Variants in TECRL observed in about 807,000 individuals in gnomAD.
TECRL encodes trans-2,3-enoyl-CoA reductase like.
In TECRL, 63 loss-of-function variants were observed where a neutral mutation model predicts 52.8. That is an observed-to-expected ratio of 1.19 (90% confidence interval 0.97 to 1.47). The LOEUF (loss-of-function observed/expected upper bound fraction) is 1.47, where lower values mean the gene tolerates loss of function less well. TECRL is among the 40% of genes most tolerant of loss of function. The probability of loss-of-function intolerance (pLI) is 0.00; values close to 1 mark genes in which losing one functional copy is unlikely to be tolerated. For synonymous variants in TECRL, 164 were observed against 141.9 expected, an observed-to-expected ratio of 1.16 and a Z score of -1.10; for missense variants, 482 against 429.6, an observed-to-expected ratio of 1.12 and a Z score of -1.08.
intron 6 of TECRL, among the ~76,000 whole-genome samples, chr4:64,307,492 G>A (rs73228570): frequency 1.3e-5 from 2 of 152,052 alleles, no homozygotes; most frequent in Admixed American, 1.3e-4. Context: ...GAGGAGAAAG[G>A]AGATGCTTTT....
intron 5 of TECRL, among the ~76,000 whole-genome samples, chr4:64,313,123 A>T (rs951010281): frequency 6.6e-6 from 1 of 152,194 alleles, no homozygotes; most frequent in Non-Finnish European, 1.5e-5. Context: ...AATCAGGACA[A>T]GAAAGGAGGT....
At chr4:64,403,652 C>T (rs1340311431) in intron 1 of TECRL, among the ~76,000 whole-genome samples, 1 of 151,790 alleles carries the variant, frequency 6.6e-6, no homozygotes, top group Non-Finnish European at 1.5e-5. Context: ...CAGACCATGC[C>T]TAAGGAAAAA....
chr4:64,357,415 C>T (rs968433927), intron 2 of TECRL, among the ~76,000 whole-genome samples: 64 of 151,418 alleles, frequency 4.2e-4, no homozygotes, highest in African/African-American at 1.5e-3. Flanking sequence ...TATCTGATCA[C>T]AATTTAATTA....
Position 64,322,799 on chromosome 4 carries a change from TA to T in TECRL, c.332-8del. On this transcript the variant is annotated splice_polypyrimidine_tract_variant and splice_region_variant and intron_variant, in intron 3 of 11. Coordinates refer to ENST00000381210, the MANE Select transcript of TECRL (RefSeq NM_001010874.5). ...TCCTTCAAAAAAGGCCCGCCTAAAA[TA>T]AAAATAACAAGAAAATTTTATTTTA... is the stretch of plus-strand genomic sequence containing the variant. 1 of 1,583,004 alleles carries T rather than the reference TA, an allele frequency of 6.3e-7. No homozygotes were observed. The highest frequency in any genetic ancestry group is 8.6e-7 in the Non-Finnish European group (1 of 1,166,698).
At chr4:64,375,956 A>T (rs1722370806) in intron 1 of TECRL, among the ~76,000 whole-genome samples, 1 of 151,862 alleles carries the variant, frequency 6.6e-6, no homozygotes, top group African/African-American at 2.4e-5. Flanking sequence ...TTTTATGATA[A>T]TTCAAGAAAA....
At chr4:64,346,754 G>T (rs1720018886) in intron 2 of TECRL, among the ~76,000 whole-genome samples, 1 of 152,226 alleles carries the variant, frequency 6.6e-6, no homozygotes, top group Non-Finnish European at 1.5e-5. Flanking sequence ...CATTGTCTTG[G>T]TGATTAAGTG....
chr4:64,345,906 G>GCAAAA (rs1719922332), intron 2 of TECRL, among the ~76,000 whole-genome samples: 1 of 2,744 alleles, frequency 3.6e-4, no homozygotes, highest in African/African-American at 1.1e-3. Context: ...TGCCTCAACA[G>GCAAAA]CAAAAAAAAA....
At chr4:64,364,087 G>T (rs1258824985) in intron 2 of TECRL, among the ~76,000 whole-genome samples, 2 of 151,842 alleles carry the variant, frequency 1.3e-5, no homozygotes, top group African/African-American at 4.8e-5. Context: ...AATAAAAATA[G>T]AAATCAACAC....
At chr4:64,305,357 T>C in intron 6 of TECRL, 119 bp from the exon 7 acceptor site, 4 of 748,518 alleles carry the variant, frequency 5.3e-6, no homozygotes, top group Non-Finnish European at 8.9e-6. Context: ...ACATTTATAT[T>C]AGACACTGCA....
intron 9 of TECRL, among the ~76,000 whole-genome samples, chr4:64,285,991 C>A (rs1322264766): frequency 2.0e-5 from 3 of 152,184 alleles, no homozygotes; most frequent in East Asian, 1.9e-4. Flanking sequence ...ATTTCAGTAA[C>A]CTCATCTGTA....
chr4:64,300,185 C>CT (rs550094739), intron 7 of TECRL, among the ~76,000 whole-genome samples, 168 bp from the exon 8 acceptor site: 2 of 149,638 alleles, frequency 1.3e-5, no homozygotes, highest in East Asian at 1.9e-4. Flanking sequence ...AAAGTGTTGA[C>CT]TTTTTTTTCA....
At chr4:64,341,906 ACT>A (rs1719602197) in intron 2 of TECRL, among the ~76,000 whole-genome samples, 1 of 151,206 alleles carries the variant, frequency 6.6e-6, no homozygotes, top group South Asian at 2.1e-4. Flanking sequence ...AGCATGTCTG[ACT>A]GTGGAGTGGC....
intron 1 of TECRL, among the ~76,000 whole-genome samples, chr4:64,377,445 C>T (rs1195192918): frequency 6.6e-6 from 1 of 151,998 alleles, no homozygotes; most frequent in Non-Finnish European, 1.5e-5. Context: ...ATAACTTCCA[C>T]TTTTTAGTCA....
chr4:64,328,597 TA>T, intron 2 of TECRL, 41 bp from the exon 3 acceptor site: 2 of 1,547,270 alleles, frequency 1.3e-6, no homozygotes, highest in South Asian at 2.3e-5. Flanking sequence ...AGAAAAAGTG[TA>T]ACTATAGCTT....
At chr4:64,316,953 A>T (rs933844551) in intron 4 of TECRL, among the ~76,000 whole-genome samples, 4 of 152,190 alleles carry the variant, frequency 2.6e-5, no homozygotes, top group African/African-American at 9.6e-5. Flanking sequence ...ACCTCAGTGG[A>T]ATCTTCAACG....
chr4:64,295,633 G>T (rs1178454841), intron 8 of TECRL, among the ~76,000 whole-genome samples: 1 of 151,662 alleles, frequency 6.6e-6, no homozygotes, highest in Admixed American at 6.6e-5. Context: ...AGTAAATGAT[G>T]TTTGAAAACA....
At chr4:64,404,901 G>T (rs182106803) in intron 1 of TECRL, among the ~76,000 whole-genome samples, 1 of 152,114 alleles carries the variant, frequency 6.6e-6, no homozygotes, top group Non-Finnish European at 1.5e-5. Flanking sequence ...TGAATGCTGT[G>T]TCAAATTCAC....
At position 64,409,364 on chromosome 4, in the gene TECRL, G is replaced by C. The variant is rs758072477; in HGVS notation, c.-13C>G. On this transcript the variant is annotated 5_prime_UTR_variant, in exon 1 of 12. Coordinates refer to ENST00000381210, the MANE Select transcript of TECRL (RefSeq NM_001010874.5). ...GCCTTTTGAACATTGTGTGAACTAA[G>C]AGGAGGGTCTGTCATGTCAAAAGTA... The C allele has an allele frequency of 5.6e-6, 9 of 1,609,934 alleles. No homozygotes were observed. The highest frequency in any genetic ancestry group is 6.8e-6 in the Non-Finnish European group (8 of 1,177,182).
Position 64,279,823 on chromosome 4 carries a change from T to C in TECRL, c.*249A>G, listed in dbSNP as rs1722728993. On this transcript the variant is annotated 3_prime_UTR_variant, in exon 12 of 12. Transcript: ENST00000381210. ...GTGAAGTATTAATGAAGTAAGACAA[T>C]TTTATTCAAGGACCAATCCCATGCA... is the stretch of plus-strand genomic sequence containing the variant. 9.7e-7 allele frequency: 1 copy of C among 1,031,436 alleles called. No individual in the cohort carries two copies. Among genetic ancestry groups the C allele is most frequent in the Non-Finnish European group, 1.2e-6 (1 of 860,420 alleles). 63.9% of individuals were successfully genotyped at this position (1,031,436 alleles called of 1,614,324 possible). A position where few individuals can be genotyped will look rare whatever the true frequency, so the allele number is the denominator to read the frequency against.
Sources: allele counts gnomAD v4.1 joint callset (sites outside exome capture counted in the v4.1 genomes callset), GRCh38; gene constraint gnomAD v4.1.1; transcripts MANE v1.5; gene names NCBI Gene and HGNC (gene_info 2026-07-23, HGNC 2026-07-21).